AGBL1: variants seen among roughly 807,000 people sequenced by gnomAD.
AGBL1 encodes AGBL carboxypeptidase 1.
In AGBL1, 130 loss-of-function variants were observed where a neutral mutation model predicts 118.9. That is an observed-to-expected ratio of 1.09 (90% CI 0.95 to 1.26). The LOEUF (loss-of-function observed/expected upper bound fraction) is 1.26. Ranked by LOEUF, AGBL1 falls within the 50% of genes most tolerant of loss-of-function variation. The probability of loss-of-function intolerance (pLI) is 0.00; values close to 1 mark genes in which losing one functional copy is unlikely to be tolerated. For synonymous variants in AGBL1, 555 were observed against 478.9 expected, an observed-to-expected ratio of 1.16 and a Z score of -2.08; for missense variants, 1,584 against 1,298.1, an observed-to-expected ratio of 1.22 and a Z score of -3.38.
chr15:86,249,540 C>A (rs2078774727), intron 7 of AGBL1, among the ~76,000 whole-genome samples: 1 of 152,116 alleles, frequency 6.6e-6, no homozygotes, highest in African/African-American at 2.4e-5. Context: ...CCTTCTATTT[C>A]TCGACATGAA....
chr15:86,925,628 C>T (rs1471604630), intron 23 of AGBL1, among the ~76,000 whole-genome samples: 1 of 151,832 alleles, frequency 6.6e-6, no homozygotes, highest in Non-Finnish European at 1.5e-5. Flanking sequence ...TAGCTGTCCA[C>T]CAAATAGGTG....
At chr15:86,296,533 G>T (rs895073107) in intron 17 of AGBL1, 1 of 152,340 alleles carries the variant, frequency 6.6e-6, no homozygotes, top group East Asian at 1.9e-4. Flanking sequence ...GGAAGATACA[G>T]CCTTCCCTGA....
intron 19 of AGBL1, among the ~76,000 whole-genome samples, chr15:86,525,356 CA>C: frequency 6.6e-6 from 1 of 152,116 alleles, no homozygotes; most frequent in South Asian, 2.1e-4. Context: ...CAATTCCTAT[CA>C]AAATACTAAC....
chr15:86,421,487 C>T (rs1046591511), intron 18 of AGBL1, among the ~76,000 whole-genome samples: 1 of 152,150 alleles, frequency 6.6e-6, no homozygotes, highest in African/African-American at 2.4e-5. Context: ...CCAGTACCAG[C>T]CACTGCAAAA....
chr15:86,675,083 G>T (rs1368131642), intron 22 of AGBL1, among the ~76,000 whole-genome samples: 1 of 152,170 alleles, frequency 6.6e-6, no homozygotes, highest in Non-Finnish European at 1.5e-5. Flanking sequence ...AACAAATTCA[G>T]TGGGCAAGAG....
intron 18 of AGBL1, among the ~76,000 whole-genome samples, chr15:86,516,000 C>T (rs547200215): frequency 3.9e-5 from 6 of 152,052 alleles, no homozygotes; most frequent in African/African-American, 9.7e-5. Context: ...CAACTCAAAG[C>T]GGGGGAGGGA....
At chr15:86,367,674 G>A (rs8023853) in intron 17 of AGBL1, among the ~76,000 whole-genome samples, 27,478 of 152,056 alleles carry the variant, frequency 0.18, 3,961 homozygotes, top group African/African-American at 0.4. Flanking sequence ...TATGTAATCC[G>A]TAGTATGTGA....
chr15:86,205,602 C>T (rs1349737928), intron 5 of AGBL1, among the ~76,000 whole-genome samples: 1 of 152,230 alleles, frequency 6.6e-6, no homozygotes, highest in African/African-American at 2.4e-5. Flanking sequence ...GTTGCTCCAT[C>T]CTCACCATTC....
intron 22 of AGBL1, among the ~76,000 whole-genome samples, chr15:86,879,447 T>A (rs1210200995): frequency 6.6e-6 from 1 of 152,144 alleles, no homozygotes. Context: ...AATGGTGTCA[T>A]CTGGGGCTTG....
intron 22 of AGBL1, among the ~76,000 whole-genome samples, chr15:86,825,403 A>C (rs1436682390): frequency 1.4e-5 from 2 of 140,872 alleles, no homozygotes; most frequent in East Asian, 4.0e-4. Context: ...AAAAAAAAAA[A>C]AAAAAAAAAA....
At chr15:86,885,122 T>TTACG (rs1555459609) in intron 22 of AGBL1, among the ~76,000 whole-genome samples, 2 of 43,618 alleles carry the variant, frequency 4.6e-5, no homozygotes. Context: ...TAAAATAACT[T>TTACG]TACATACATA....
chr15:86,184,338 A>G (rs1353290916), intron 5 of AGBL1, among the ~76,000 whole-genome samples: 1 of 152,186 alleles, frequency 6.6e-6, no homozygotes, highest in African/African-American at 2.4e-5. Flanking sequence ...GTTAAAGCAG[A>G]AGTATAAGAG....
At chr15:86,220,546 T>G (rs1457363771) in intron 5 of AGBL1, among the ~76,000 whole-genome samples, 1 of 152,190 alleles carries the variant, frequency 6.6e-6, no homozygotes, top group Non-Finnish European at 1.5e-5. Context: ...TGCTAAAATC[T>G]TAACGAGAGG....
At chr15:86,604,068 C>T (rs550844519) in intron 21 of AGBL1, among the ~76,000 whole-genome samples, 68 of 151,224 alleles carry the variant, frequency 4.5e-4, no homozygotes, top group Non-Finnish European at 8.1e-4. Context: ...CTCATCATAT[C>T]GACCATCCAC....
intron 23 of AGBL1, among the ~76,000 whole-genome samples, chr15:86,951,269 G>T (rs1171856990): frequency 6.6e-6 from 1 of 152,112 alleles, no homozygotes; most frequent in African/African-American, 2.4e-5. Flanking sequence ...TAAATATGTT[G>T]GCATATTCTA....
At chr15:86,746,693 T>C in intron 22 of AGBL1, among the ~76,000 whole-genome samples, 1 of 152,070 alleles carries the variant, frequency 6.6e-6, no homozygotes, top group East Asian at 1.9e-4. Flanking sequence ...GAACACATCC[T>C]TTCTCTTCTG....
At chr15:86,136,226 G>A (rs879875527) in intron 1 of AGBL1, among the ~76,000 whole-genome samples, 4 of 152,184 alleles carry the variant, frequency 2.6e-5, no homozygotes, top group Non-Finnish European at 5.9e-5. Flanking sequence ...ATTGTTCTAA[G>A]GCATTAAGTT....
chr15:86,870,454 CAAAAAAAAAAAAAAAAAAAAAAAA>C (rs770556494), intron 22 of AGBL1, among the ~76,000 whole-genome samples: 15,711 of 64,622 alleles, frequency 0.24, 1,342 homozygotes, highest in South Asian at 0.35. Flanking sequence ...AAGCATACTG[CAAAAAAAAAAAAAAAAAAAAAAAA>C]AAAAAAAAAA....
chr15:86,250,036 G>A (rs969198732), intron 7 of AGBL1, among the ~76,000 whole-genome samples: 3 of 152,176 alleles, frequency 2.0e-5, no homozygotes, highest in African/African-American at 7.2e-5. Flanking sequence ...TTATAGTGAG[G>A]TTTCTCTAGC....
Sources: allele counts gnomAD v4.1 joint callset (sites outside exome capture counted in the v4.1 genomes callset), GRCh38; gene constraint gnomAD v4.1.1; transcripts MANE v1.5; gene names NCBI Gene and HGNC (gene_info 2026-07-23, HGNC 2026-07-21).